The following LGSN variants were observed in gnomAD, a reference collection of about 807,000 sequenced individuals.
The protein encoded by LGSN is lengsin.
LGSN carries 21 observed loss-of-function variants against 19.5 expected under a neutral mutation model. The ratio of observed to expected loss-of-function variants is 1.07; its 90% CI spans 0.76 to 1.55. The LOEUF is 1.55. Among genes scored for constraint, LGSN ranks in the 40% most tolerant of loss-of-function variants. The pLI is 0.00. For synonymous variants in LGSN, 257 were observed against 215.6 expected (o/e 1.19, Z -1.68); for missense variants, 673 against 608.5 (o/e 1.11, Z -1.12).
chr6:63,518,307 T>C, the LGSN span, among the ~76,000 whole-genome samples: 1 of 152,228 alleles, frequency 6.6e-6, no homozygotes, highest in Non-Finnish European at 1.5e-5. Flanking sequence ...TCAATTCTCT[T>C]GCTTGTATTT....
the LGSN span, among the ~76,000 whole-genome samples, chr6:63,373,704 G>C: frequency 2.6e-5 from 4 of 152,164 alleles, no homozygotes; most frequent in Non-Finnish European, 4.4e-5. Flanking sequence ...AGGGAGTGGT[G>C]GCTCATGCCT....
At chr6:63,434,163 G>A in the LGSN span, among the ~76,000 whole-genome samples, 104 of 152,286 alleles carry the variant, frequency 6.8e-4, 1 homozygote, top group East Asian at 0.012. Flanking sequence ...ACCTGGCTGG[G>A]CGCAGTGGCT....
Position 63,313,837 on chromosome 6 carries a change from A to AAAATAAAT in LGSN, c.30+6069_30+6076dup, listed in dbSNP as rs56286412. On this transcript the variant is annotated intron_variant, in intron 1 of 3. Coordinates refer to ENST00000370657, the MANE Select transcript of LGSN (RefSeq NM_016571.3). The stretch of plus-strand genomic sequence containing the variant: ...GGCAACAGAGTGAGACCCTGTCTCA[A>AAAATAAAT]AAATAAATAAATAAATAAATAAATA... Among the ~76,000 whole-genome samples, 67 of 147,650 alleles carry AAAATAAAT rather than the reference A, an allele frequency of 4.5e-4. No individual in the cohort carries two copies. In the East Asian group the frequency reaches 5.1e-3, roughly 11 times the overall value.
At chr6:63,548,985 T>C in the LGSN span, 1 of 735,062 alleles carries the variant, frequency 1.4e-6, no homozygotes, top group East Asian at 2.5e-5. Flanking sequence ...CCGCATTTTA[T>C]GACACAGGGC....
At chr6:63,337,779 G>A in the LGSN span, among the ~76,000 whole-genome samples, 1 of 151,298 alleles carries the variant, frequency 6.6e-6, no homozygotes, top group Non-Finnish European at 1.5e-5. Flanking sequence ...ACTCCAGCCT[G>A]GATAACAGAG....
At chr6:63,327,042 T>C in the LGSN span, among the ~76,000 whole-genome samples, 449 of 152,062 alleles carry the variant, frequency 3.0e-3, 3 homozygotes, top group African/African-American at 0.01. Flanking sequence ...CAGGACACCC[T>C]AACTGCTGTT....
At chr6:63,383,090 A>C in the LGSN span, among the ~76,000 whole-genome samples, 1 of 152,090 alleles carries the variant, frequency 6.6e-6, no homozygotes, top group African/African-American at 2.4e-5. Context: ...GGAAAGCCTT[A>C]AGCACCTTTA....
chr6:63,290,500 T>C (rs1025853763), intron 2 of LGSN, among the ~76,000 whole-genome samples: 4 of 152,212 alleles, frequency 2.6e-5, no homozygotes, highest in African/African-American at 4.8e-5. Context: ...TTTGAAATAG[T>C]GGACAGCACT....
At chr6:63,510,423 C>T in the LGSN span, among the ~76,000 whole-genome samples, 1 of 149,280 alleles carries the variant, frequency 6.7e-6, no homozygotes, top group Non-Finnish European at 1.5e-5. Context: ...CTAGTTACCA[C>T]TTAATCTTTC....
chr6:63,519,304 T>A, the LGSN span, among the ~76,000 whole-genome samples: 49 of 150,998 alleles, frequency 3.2e-4, no homozygotes, highest in African/African-American at 1.2e-3. Flanking sequence ...CGAAACTCTG[T>A]CTCAAAAAAA....
chr6:63,355,696 G>C, the LGSN span, among the ~76,000 whole-genome samples: 1 of 151,982 alleles, frequency 6.6e-6, no homozygotes, highest in Non-Finnish European at 1.5e-5. Context: ...GTTTTGTTTT[G>C]AGACGGAGTT....
intron 2 of LGSN, among the ~76,000 whole-genome samples, chr6:63,289,393 A>G (rs938301506): frequency 2.6e-5 from 4 of 152,184 alleles, no homozygotes; most frequent in Admixed American, 1.3e-4. Context: ...TTTCTTCAAT[A>G]AATCATACTT....
At chr6:63,346,906 T>C in the LGSN span, among the ~76,000 whole-genome samples, 7 of 152,170 alleles carry the variant, frequency 4.6e-5, no homozygotes, top group Admixed American at 3.3e-4. Context: ...GGGAGACCTA[T>C]GGACTGCTGA....
chr6:63,493,440 T>C, the LGSN span, among the ~76,000 whole-genome samples: 1 of 152,022 alleles, frequency 6.6e-6, no homozygotes, highest in Non-Finnish European at 1.5e-5. Flanking sequence ...GTTCCTTAGA[T>C]TTCAACTCCA....
the LGSN span, among the ~76,000 whole-genome samples, chr6:63,382,070 A>G: frequency 2.6e-5 from 4 of 152,338 alleles, no homozygotes; most frequent in South Asian, 8.3e-4. Flanking sequence ...TTCTTCTTCA[A>G]TCATTAAGGC....
At chr6:63,312,703 T>C (rs1335038104) in intron 1 of LGSN, among the ~76,000 whole-genome samples, 3 of 152,150 alleles carry the variant, frequency 2.0e-5, no homozygotes, top group Non-Finnish European at 4.4e-5. Context: ...TTTATATCTC[T>C]AATACCCACT....
the LGSN span, among the ~76,000 whole-genome samples, chr6:63,522,047 C>T: frequency 6.6e-6 from 1 of 152,200 alleles, no homozygotes; most frequent in Admixed American, 6.5e-5. Flanking sequence ...CTTTTTCCCA[C>T]AGGCTTTGCC....
At chr6:63,385,377 A>C in the LGSN span, among the ~76,000 whole-genome samples, 1 of 152,220 alleles carries the variant, frequency 6.6e-6, no homozygotes, top group Non-Finnish European at 1.5e-5. Flanking sequence ...AATTAACTAA[A>C]CTTAGATCAC....
chr6:63,461,840 T>C, the LGSN span, among the ~76,000 whole-genome samples: 1 of 152,214 alleles, frequency 6.6e-6, no homozygotes, highest in Non-Finnish European at 1.5e-5. Context: ...AAGCTTGCTC[T>C]AAAAGACATG....
Sources: gnomAD v4.1 joint callset for allele counts (sites outside exome capture counted in the v4.1 genomes callset) on GRCh38, gnomAD v4.1.1 for gene constraint, MANE v1.5 for transcripts, NCBI Gene and HGNC (gene_info 2026-07-23, HGNC 2026-07-21) for gene names.